STEAP3: variants seen among roughly 807,000 people sequenced by gnomAD.
STEAP3 encodes STEAP3 metalloreductase, also known as metalloreductase STEAP3.
STEAP3 carries 35 observed loss-of-function variants against 34.9 expected under a neutral mutation model. That is an observed-to-expected ratio of 1.00 (90% CI 0.76 to 1.33). STEAP3 has a LOEUF of 1.33. Among genes scored for constraint, STEAP3 ranks in the 40% most tolerant of loss-of-function variants. STEAP3 has a pLI of 0.00. For synonymous variants in STEAP3, 281 were observed against 301.6 expected (o/e 0.93, Z 0.71); for missense variants, 652 against 667.6 (o/e 0.98, Z 0.26).
rs763722603 is a variant in STEAP3, at chr2:119,247,713, G to C, written c.557G>C (p.Arg186Pro). 5 of 1,557,168 alleles carry C rather than the reference G, an allele frequency of 3.2e-6. No individual in the cohort carries two copies. The South Asian group carries it at 6.0e-5, about 19-fold the overall frequency. The change falls in exon 4 of 6, where the codon CGT (arginine) becomes CCT (proline). Residue 186 changes from arginine to proline, a missense_variant. Transcript: ENST00000393110. ...PICGDQPEAK[R>P]AVSEMALAMG... Reference sequence around the variant, plus strand: ...TGCGGTGACCAGCCAGAAGCCAAGCGTGCTGTCTCGGAGATGGCGCTCGCC... The same window carrying C: ...TGCGGTGACCAGCCAGAAGCCAAGCCTGCTGTCTCGGAGATGGCGCTCGCC...
intron 2 of STEAP3, among the ~76,000 whole-genome samples, chr2:119,240,627 C>T (rs1677219949): frequency 6.6e-6 from 1 of 152,240 alleles, no homozygotes; most frequent in Non-Finnish European, 1.5e-5. Flanking sequence ...TAAACACAGG[C>T]TGTAGCCCTG....
intron 2 of STEAP3, among the ~76,000 whole-genome samples, chr2:119,232,123 G>A (rs1438493865): frequency 6.6e-6 from 1 of 152,198 alleles, no homozygotes; most frequent in African/African-American, 2.4e-5. Context: ...GAAAACTGAA[G>A]CAGAAGAAAG....
chr2:119,227,091 T>C (rs1679063755), intron 1 of STEAP3, among the ~76,000 whole-genome samples: 1 of 152,190 alleles, frequency 6.6e-6, no homozygotes, highest in South Asian at 2.1e-4. Flanking sequence ...ATGAGTGTTG[T>C]TGTCATCAAC....
chr2:119,258,404 T>C (rs894348138), intron 5 of STEAP3, among the ~76,000 whole-genome samples: 6 of 151,630 alleles, frequency 4.0e-5, no homozygotes, highest in Admixed American at 3.9e-4. Flanking sequence ...GCCCAGTAGG[T>C]CTCAGCCTCA....
In STEAP3 at chr2:119,263,406, T is replaced by C. The variant is rs749324872; in HGVS notation, c.*68T>C. The C allele has an allele frequency of 3.9e-6, 6 of 1,555,886 alleles. No individual in the cohort carries two copies. Among genetic ancestry groups the C allele is most frequent in the Non-Finnish European group, 3.5e-6 (4 of 1,152,388 alleles). On this transcript the variant is annotated 3_prime_UTR_variant, in exon 6 of 6. Transcript: ENST00000393110. Reference sequence around the variant, plus strand: ...GTGCCCTGAGCCCGTTAGGTTTTCTTTTCTTGGTGGTGCAAAGTGGTATAA... The same window carrying C: ...GTGCCCTGAGCCCGTTAGGTTTTCTCTTCTTGGTGGTGCAAAGTGGTATAA...
chr2:119,236,508 C>T (rs902066369), intron 2 of STEAP3, among the ~76,000 whole-genome samples: 1 of 152,178 alleles, frequency 6.6e-6, no homozygotes, highest in African/African-American at 2.4e-5. Flanking sequence ...AGCCCGTGTC[C>T]TGTTGGCTGC....
intron 1 of STEAP3, among the ~76,000 whole-genome samples, chr2:119,224,709 C>A (rs1466587378): frequency 6.6e-6 from 1 of 152,174 alleles, no homozygotes; most frequent in Non-Finnish European, 1.5e-5. Context: ...CAGAGATGGG[C>A]TCCAGAAGTG....
At chr2:119,245,272 A>G in intron 2 of STEAP3, 1 of 581,424 alleles carries the variant, frequency 1.7e-6, no homozygotes, top group Admixed American at 3.2e-5. Flanking sequence ...TGGAGGGCAG[A>G]AGTCATCCCT....
At position 119,248,040 on chromosome 2, in the gene STEAP3, G is replaced by C. The variant is rs1259628131; in HGVS notation, c.884G>C (p.Gly295Ala). ...VLAAALQLRRGTKYQRFPDWL... is the reference protein window; with the variant it reads ...VLAAALQLRRATKYQRFPDWL... ...GCGGCTGCCCTGCAGCTGCGGCGCG[G>C]CACCAAGTACCAGCGCTTCCCCGAC... Residue 295 changes from glycine (G) to alanine (A), a missense_variant, in exon 4 of 6, where the codon GGC becomes GCC. Coordinates refer to ENST00000393110, the MANE Select transcript of STEAP3 (RefSeq NM_182915.3). The C allele has an allele frequency of 2.5e-6, 4 of 1,609,150 alleles. No homozygotes were observed. The Middle Eastern group carries it at 4.9e-4, about 199-fold the overall frequency.
In STEAP3 at chr2:119,248,033, C is replaced by T. The variant is rs747339756; in HGVS notation, c.877C>T (p.Arg293Trp). The T allele has an allele frequency of 2.2e-5, 35 of 1,609,330 alleles. 1 individual carries two copies. The highest frequency in any genetic ancestry group is 1.2e-4 in the Admixed American group (7 of 59,970). ...PGVLAAALQL[R>W]RGTKYQRFPD... ...CGTGCTGGCGGCTGCCCTGCAGCTG[C>T]GGCGCGGCACCAAGTACCAGCGCTT... The change falls in exon 4 of 6, where the codon CGG (arginine) becomes TGG (tryptophan). Residue 293 changes from arginine (R) to tryptophan (W), a missense_variant. Physicochemically the swap from Arg to Trp is moderately radical, Grantham distance 101 (BLOSUM62 -3). Transcript: ENST00000393110.
At chr2:119,238,992 G>A (rs1363734263) in intron 2 of STEAP3, among the ~76,000 whole-genome samples, 1 of 152,098 alleles carries the variant, frequency 6.6e-6, no homozygotes, top group South Asian at 2.1e-4. Flanking sequence ...GGTGGACAAC[G>A]AGCACATGAG....
chr2:119,246,953 G>A (rs560434027), intron 3 of STEAP3: 3 of 152,336 alleles, frequency 2.0e-5, no homozygotes, highest in Non-Finnish European at 2.9e-5. Flanking sequence ...GAAGACTATA[G>A]TACCTACCTG....
chr2:119,255,896 G>A (rs1677760537), intron 5 of STEAP3, among the ~76,000 whole-genome samples: 1 of 152,224 alleles, frequency 6.6e-6, no homozygotes, highest in African/African-American at 2.4e-5. Context: ...TAGAGAACAA[G>A]ACAGGCAGAG....
intron 2 of STEAP3, among the ~76,000 whole-genome samples, chr2:119,242,570 C>T (rs772305956): frequency 6.6e-6 from 1 of 152,164 alleles, no homozygotes; most frequent in Admixed American, 6.5e-5. Flanking sequence ...TTCTGCCCTC[C>T]CTCCACCTGG....
chr2:119,232,222 G>A (rs993427601), intron 2 of STEAP3, among the ~76,000 whole-genome samples: 2 of 152,202 alleles, frequency 1.3e-5, no homozygotes, highest in African/African-American at 4.8e-5. Flanking sequence ...CACCCCAGAG[G>A]CAGCTTGAAT....
At chr2:119,229,389 C>G (rs838101) in intron 1 of STEAP3, among the ~76,000 whole-genome samples, 48,139 of 152,066 alleles carry the variant, frequency 0.32, 8,583 homozygotes, top group Non-Finnish European at 0.42. Flanking sequence ...GCACTTAGGT[C>G]CCTCCCTCAG....
At position 119,265,063 on chromosome 2, in the gene STEAP3, G is replaced by T. The variant is rs955426638; in HGVS notation, c.*1725G>T. 6.6e-6 allele frequency: 1 copy of T among 152,236 alleles called. No individual in the cohort carries two copies. Among genetic ancestry groups the T allele is most frequent in the South Asian group, 2.1e-4 (1 of 4,830 alleles). 9.4% of individuals were successfully genotyped at this position (152,236 alleles called of 1,614,324 possible). A position where few individuals can be genotyped will look rare whatever the true frequency, so the allele number is the denominator to read the frequency against. On this transcript the variant is annotated 3_prime_UTR_variant, in exon 6 of 6. Transcript: ENST00000393110. ...CACAGAGAGCCTTGCTGAGAAGGGGGCAGGTAAAGCAGAGATTTTAGCATT... is the reference window on the plus strand; with the variant it reads ...CACAGAGAGCCTTGCTGAGAAGGGGTCAGGTAAAGCAGAGATTTTAGCATT...
chr2:119,231,003 C>T lies in STEAP3; in HGVS notation c.-10C>T, dbSNP rs536029222. The T allele has an allele frequency of 5.0e-6, 8 of 1,614,248 alleles. No individual in the cohort carries two copies. In the East Asian group the frequency reaches 6.7e-5, roughly 13 times the overall value. On this transcript the variant is annotated 5_prime_UTR_variant, in exon 2 of 6. The change creates a new upstream start codon in the 5' untranslated region. Coordinates refer to ENST00000393110, the MANE Select transcript of STEAP3 (RefSeq NM_182915.3). ...GTGACCTGAGAGCCTCAGACCCTCA[C>T]GTCAGCCGGATGTCGCACCAGCCTG... is the stretch of plus-strand genomic sequence containing the variant.
chr2:119,237,788 A>G (rs565083987), intron 2 of STEAP3, among the ~76,000 whole-genome samples: 1 of 152,312 alleles, frequency 6.6e-6, no homozygotes, highest in African/African-American at 2.4e-5. Context: ...CAATTCACCC[A>G]TTCAAATGGT....
Sources: gnomAD v4.1 joint callset for allele counts (sites outside exome capture counted in the v4.1 genomes callset) on GRCh38, gnomAD v4.1.1 for gene constraint, MANE v1.5 for transcripts, NCBI Gene and HGNC (gene_info 2026-07-23, HGNC 2026-07-21) for gene names.